Variants in POU2F3 observed in about 807,000 individuals in gnomAD.
The protein encoded by POU2F3 is POU domain, class 2, transcription factor 3.
POU2F3 carries 23 observed loss-of-function variants against 59.2 expected under a neutral mutation model. The ratio of observed to expected loss-of-function variants is 0.39; its 90% CI spans 0.28 to 0.55. The LOEUF (loss-of-function observed/expected upper bound fraction) is 0.55, where lower values mean the gene tolerates loss of function less well. Among genes scored for constraint, POU2F3 ranks in the 20% least tolerant of loss-of-function variants. The pLI, the probability that POU2F3 is intolerant of heterozygous loss-of-function variation, is 0.66. For synonymous variants in POU2F3, 190 were observed against 214.6 expected (o/e 0.89, Z 1.00); for missense variants, 473 against 544.5 (o/e 0.87, Z 1.31).
At chr11:120,236,765 A>G (rs894386441), upstream of POU2F3, 5 of 1,403,192 alleles carry the variant, frequency 3.6e-6, no homozygotes, top group African/African-American at 5.7e-5. Context: ...ATCAGTGAGC[A>G]AGTCTGAGAG....
intron 2 of POU2F3, among the ~76,000 whole-genome samples, chr11:120,266,756 G>T (rs2096882): frequency 0.47 from 71,256 of 152,006 alleles, 20,607 homozygotes; most frequent in East Asian, 1. Context: ...GCCTTACAGT[G>T]CCTTCTTGTT....
At chr11:120,309,364 C>G (rs1381255229) in intron 9 of POU2F3, 61 bp from the exon 10 acceptor site, 4 of 1,498,712 alleles carry the variant, frequency 2.7e-6, no homozygotes, top group Admixed American at 1.7e-5. Context: ...TCTTTGGGAC[C>G]TCTGTTCCCT....
At chr11:120,283,996 G>A (rs2135241823) in intron 3 of POU2F3, among the ~76,000 whole-genome samples, 1 of 152,096 alleles carries the variant, frequency 6.6e-6, no homozygotes, top group African/African-American at 2.4e-5. Context: ...TGGCCAACAT[G>A]GTAAAACCCC....
chr11:120,247,297 A>G (rs1014580917), intron 2 of POU2F3, among the ~76,000 whole-genome samples: 1 of 152,224 alleles, frequency 6.6e-6, no homozygotes, highest in Non-Finnish European at 1.5e-5. Flanking sequence ...GGATCATTAG[A>G]GACATAGAAA....
chr11:120,304,652 C>T (rs79572639), intron 6 of POU2F3, among the ~76,000 whole-genome samples: 2,312 of 152,080 alleles, frequency 0.015, 66 homozygotes, highest in African/African-American at 0.052. Flanking sequence ...TTTCTTTGTC[C>T]AGTTCTGTGA....
chr11:120,307,635 G>T lies in POU2F3; in HGVS notation c.906+20G>T. ...CAAGATGTGAGCAGCACCTTCGGGT[G>T]GGCACGGGTGGGCTACCTCACACAG... On this transcript the variant is annotated intron_variant, in intron 9 of 12. Transcript: ENST00000543440. The T allele has an allele frequency of 6.2e-7, 1 of 1,613,454 alleles. No homozygotes were observed. The highest frequency in any genetic ancestry group is 8.5e-7 in the Non-Finnish European group (1 of 1,179,664).
chr11:120,309,038 T>TG (rs1363133082), intron 9 of POU2F3, among the ~76,000 whole-genome samples: 1 of 145,440 alleles, frequency 6.9e-6, no homozygotes, highest in Non-Finnish European at 1.5e-5. Context: ...GCAGCAGCTC[T>TG]GGGGACTCTA....
chr11:120,257,078 A>T (rs1051471339), intron 2 of POU2F3: 11 of 152,246 alleles, frequency 7.2e-5, no homozygotes, highest in Non-Finnish European at 1.6e-4. Context: ...TGTTTACTAC[A>T]AAGCTTGGTG....
intron 10 of POU2F3, 137 bp from the exon 11 acceptor site, chr11:120,315,224 G>A: frequency 1.3e-6 from 1 of 757,948 alleles, no homozygotes; most frequent in Middle Eastern, 3.3e-4. Context: ...AAAGGAGGAT[G>A]GCATGTAGGC....
rs1308355596 is a variant in POU2F3, at chr11:120,275,612, G to A, written c.132+6368G>A. Among the ~76,000 whole-genome samples the A allele has an allele frequency of 2.0e-5, 3 of 152,162 alleles. No homozygotes were observed. The South Asian group carries it at 6.2e-4, about 32-fold the overall frequency. On this transcript the variant is annotated intron_variant, in intron 3 of 12. Coordinates refer to ENST00000543440, the MANE Select transcript of POU2F3 (RefSeq NM_014352.4). ...TTTTATGTATGCTGTTGAGCATTGT[G>A]TTGCTTGAAGACCTCCCAAAAGTCC...
At chr11:120,258,778 AG>A (rs1424835240) in intron 2 of POU2F3, 1 of 152,186 alleles carries the variant, frequency 6.6e-6, no homozygotes. Context: ...CCGTCTGCTC[AG>A]GGTGCTCCTT....
chr11:120,254,102 C>T (rs1354058887), intron 2 of POU2F3: 2 of 152,234 alleles, frequency 1.3e-5, no homozygotes, highest in Admixed American at 1.3e-4. Flanking sequence ...GGAGTAAATC[C>T]TTTATGTACC....
At position 120,287,839 on chromosome 11, in the gene POU2F3, T is replaced by G. The variant is rs115932961; in HGVS notation, c.133-10426T>G. Among the ~76,000 whole-genome samples, 1,096 of 152,172 alleles carry G rather than the reference T, an allele frequency of 7.2e-3. 11 individuals are homozygous for G. The highest frequency in any genetic ancestry group is 0.025 in the African/African-American group (1,030 of 41,502). On this transcript the variant is annotated intron_variant, in intron 3 of 12. Transcript: ENST00000543440. Reference sequence around the variant, plus strand: ...TCCAGAGAGCCAGTAGCCAACCTATTTAGACAGCTGACAGTAAGAAGGAAG... The same window carrying G: ...TCCAGAGAGCCAGTAGCCAACCTATGTAGACAGCTGACAGTAAGAAGGAAG...
intron 6 of POU2F3, chr11:120,303,849 T>C (rs1349171827): frequency 6.6e-6 from 1 of 151,954 alleles, no homozygotes; most frequent in Non-Finnish European, 1.5e-5. Flanking sequence ...AAAAAGTAAA[T>C]CAAAAAGGAG....
upstream of POU2F3, among the ~76,000 whole-genome samples, chr11:120,237,141 A>T (rs1591364611): frequency 6.6e-6 from 1 of 152,074 alleles, no homozygotes; most frequent in Non-Finnish European, 1.5e-5. Flanking sequence ...TCTGAACCTC[A>T]GTTTTCTCAT....
chr11:120,279,618 T>G (rs1940480953), intron 3 of POU2F3, among the ~76,000 whole-genome samples: 1 of 152,194 alleles, frequency 6.6e-6, no homozygotes, highest in South Asian at 2.1e-4. Context: ...TGTTTGTTTT[T>G]GGAGAGGTGG....
At chr11:120,252,212 T>C (rs1453817700) in intron 2 of POU2F3, among the ~76,000 whole-genome samples, 2 of 149,846 alleles carry the variant, frequency 1.3e-5, no homozygotes, top group Non-Finnish European at 1.5e-5. Context: ...TTTTCTTTTT[T>C]TTTTTTTTTT....
chr11:120,262,845 T>C (rs1344919541), intron 2 of POU2F3, among the ~76,000 whole-genome samples: 1 of 152,192 alleles, frequency 6.6e-6, no homozygotes, highest in Non-Finnish European at 1.5e-5. Context: ...TTACATTATT[T>C]GTCAAAATAG....
rs1280862774 is a variant in POU2F3 at position 120,240,262 on chromosome 11, G to A, written c.-82G>A. On this transcript the variant is annotated 5_prime_UTR_variant, in exon 1 of 13. Transcript: ENST00000543440. The stretch of plus-strand genomic sequence containing the variant: ...CGGCGGCCGGGAACTGGAGGAAGGA[G>A]ACCCTGGCTTCGCAGGGGCCCCGGC... 2.4e-6 allele frequency: 3 copies of A among 1,266,146 alleles called. No homozygotes were observed. In the African/African-American group the frequency reaches 4.6e-5, roughly 20 times the overall value. The allele number at this position is 1,266,146 out of a possible 1,614,324, so 78.4% of individuals were successfully genotyped here. A position where few individuals can be genotyped will look rare whatever the true frequency, so the allele number is the denominator to read the frequency against.
Sources: gnomAD v4.1 joint callset for allele counts (sites outside exome capture counted in the v4.1 genomes callset) on GRCh38, gnomAD v4.1.1 for gene constraint, MANE v1.5 for transcripts, NCBI Gene and HGNC (gene_info 2026-07-23, HGNC 2026-07-21) for gene names.